ZNF493: variants seen among roughly 807,000 people sequenced by gnomAD.
The protein encoded by ZNF493 is zinc finger protein 493.
A neutral mutation model predicts 12.2 loss-of-function variants in ZNF493; 11 were observed. The observed-to-expected ratio is 0.90, with a 90% CI of 0.57 to 1.50. The LOEUF is 1.50. Ranked by LOEUF, ZNF493 falls within the 40% of genes most tolerant of loss-of-function variation. The pLI, the probability that ZNF493 is intolerant of heterozygous loss-of-function variation, is 0.00. For synonymous variants in ZNF493, 286 were observed against 302.6 expected, an observed-to-expected ratio of 0.95 and a Z score of 0.57; for missense variants, 950 against 906.6, an observed-to-expected ratio of 1.05 and a Z score of -0.61.
intron 3 of ZNF493, among the ~76,000 whole-genome samples, chr19:21,406,972 A>G (rs1381965539): frequency 2.0e-5 from 3 of 151,780 alleles, no homozygotes; most frequent in Non-Finnish European, 4.4e-5. Context: ...CCTTTTATTG[A>G]TTTATATCTT....
chr19:21,424,458 C>T lies in ZNF493; in HGVS notation c.1799C>T (p.Pro600Leu). The change falls in exon 4 of 4, where the codon CCC becomes CTC. Residue 600 changes from proline to leucine, a missense_variant. Physicochemically the swap from Pro to Leu is moderately conservative, Grantham distance 98. Coordinates refer to ENST00000392288, the MANE Select transcript of ZNF493 (RefSeq NM_001076678.3). Reference sequence around the variant, plus strand: ...AAGATAATTCATACTGATAAGAAACCCTACAAATGTGAAGAATGTGGCAAA... The same window carrying T: ...AAGATAATTCATACTGATAAGAAACTCTACAAATGTGAAGAATGTGGCAAA... ...KHKIIHTDKK[P>L]YKCEECGKAF... 1 of 1,613,236 alleles carries T rather than the reference C, an allele frequency of 6.2e-7. No homozygotes were observed. Among genetic ancestry groups the T allele is most frequent in the Non-Finnish European group, 8.5e-7 (1 of 1,179,698 alleles).
chr19:21,404,039 G>A (rs1287389806), intron 1 of ZNF493, among the ~76,000 whole-genome samples: 1 of 152,162 alleles, frequency 6.6e-6, no homozygotes, highest in Non-Finnish European at 1.5e-5. Context: ...ATGTAATGTT[G>A]TGGTTTCATC....
Position 21,402,202 on chromosome 19 carries a change from T to C in ZNF493, c.31-2927T>C, listed in dbSNP as rs535850503. Reference sequence around the variant, plus strand: ...CAGGCTGGTCTCGATCTCCTGACCTTGTGATCCACCTGCCTTGGCCTCCCA... The same window carrying C: ...CAGGCTGGTCTCGATCTCCTGACCTCGTGATCCACCTGCCTTGGCCTCCCA... On this transcript the variant is annotated intron_variant, in intron 1 of 3. Coordinates refer to ENST00000392288, the MANE Select transcript of ZNF493 (RefSeq NM_001076678.3). Among the ~76,000 whole-genome samples the C allele has an allele frequency of 8.4e-3, 1,270 of 151,106 alleles. 14 individuals are homozygous for C. Among genetic ancestry groups the C allele is most frequent in the African/African-American group, 0.028 (1,153 of 41,194 alleles).
chr19:21,408,149 A>T lies in ZNF493; in HGVS notation c.253+2293A>T, dbSNP rs530498081. On this transcript the variant is annotated intron_variant, in intron 3 of 3. Transcript: ENST00000392288. ...TTTTTTTTTTTTTTTTTTTTGAGAC[A>T]GGAGTCTCGCTCTGTCGCCTGGCTG... 2.0e-3 allele frequency: 1,859 copies of T among 930,620 alleles called. 4 individuals are homozygous for T. Among genetic ancestry groups the T allele is most frequent in the Middle Eastern group, 6.4e-3 (11 of 1,708 alleles). 57.6% of individuals were successfully genotyped at this position (930,620 alleles called of 1,614,324 possible).
At chr19:21,404,531 T>C (rs2030050966) in intron 1 of ZNF493, among the ~76,000 whole-genome samples, 2 of 152,264 alleles carry the variant, frequency 1.3e-5, no homozygotes, top group African/African-American at 4.8e-5. Context: ...TAGGTTTTCC[T>C]TGCATTTATC....
rs2030780306 is a variant in ZNF493 at position 21,424,210 on chromosome 19, C to T, written c.1551C>T (p.Tyr517=). The T allele has an allele frequency of 6.2e-7, 1 of 1,612,584 alleles. No homozygotes were observed. Among genetic ancestry groups the T allele is most frequent in the East Asian group, 2.2e-5 (1 of 44,808 alleles). The change falls in exon 4 of 4, where the codon TAC becomes TAT. Residue 517 remains tyrosine (Y), a synonymous_variant. Coordinates refer to ENST00000392288, the MANE Select transcript of ZNF493 (RefSeq NM_001076678.3). ...TAATTCATACTGGAGAAAAACCCTACAAATGTGAAGAATGTGGCAAAGCTT... is the reference window on the plus strand; with the variant it reads ...TAATTCATACTGGAGAAAAACCCTATAAATGTGAAGAATGTGGCAAAGCTT... The part of the protein sequence containing the change: ...HKIIHTGEKP[Y]KCEECGKAFK...
rs548962170 is a variant in ZNF493 at position 21,413,031 on chromosome 19, G to A, written c.253+7175G>A. On this transcript the variant is annotated intron_variant, in intron 3 of 3. Transcript: ENST00000392288. ...ATTTTGTTCAGATCAGCTGAACACA[G>A]TGTGGCTGTGGCACACAGACTGAGA... 8.3e-4 allele frequency: 271 copies of A among 326,100 alleles called. 1 individual carries two copies. Among genetic ancestry groups the A allele is most frequent in the Non-Finnish European group, 1.1e-3 (186 of 170,556 alleles). The allele number at this position is 326,100 out of a possible 1,614,324, so 20.2% of individuals were successfully genotyped here. A position where few individuals can be genotyped will look rare whatever the true frequency, so the allele number is the denominator to read the frequency against.
chr19:21,411,250 A>T (rs1415782785), intron 3 of ZNF493, among the ~76,000 whole-genome samples: 4 of 152,190 alleles, frequency 2.6e-5, no homozygotes, highest in African/African-American at 9.7e-5. Context: ...ATGTAATCAT[A>T]TACAGAAGGC....
At chr19:21,399,585 A>AAAAATATTTAC (rs568945351) in intron 1 of ZNF493, among the ~76,000 whole-genome samples, 376 of 152,338 alleles carry the variant, frequency 2.5e-3, no homozygotes, top group African/African-American at 8.8e-3. Context: ...GAAAAGGTAG[A>AAAAATATTTAC]AAAATATTTA....
Position 21,424,613 on chromosome 19 carries a change from A to C in ZNF493, c.1954A>C (p.Ser652Arg), listed in dbSNP as rs2030799426. ...SHLAGHKQIH[S>R]VQKPYKCEEC... Reference sequence around the variant, plus strand: ...CCTCGCTGGGCACAAGCAAATTCATAGTGTACAAAAACCCTACAAATGTGA... The same window carrying C: ...CCTCGCTGGGCACAAGCAAATTCATCGTGTACAAAAACCCTACAAATGTGA... Residue 652 changes from serine to arginine, a missense_variant, in exon 4 of 4, where the codon AGT becomes CGT. Transcript: ENST00000392288. 6.2e-7 allele frequency: 1 copy of C among 1,611,938 alleles called. No individual in the cohort carries two copies. The highest frequency in any genetic ancestry group is 8.5e-7 in the Non-Finnish European group (1 of 1,178,376).
Position 21,424,998 on chromosome 19 carries a change from G to C in ZNF493, c.*14G>C. 6.3e-7 allele frequency: 1 copy of C among 1,577,936 alleles called. No homozygotes were observed. The highest frequency in any genetic ancestry group is 8.6e-7 in the Non-Finnish European group (1 of 1,165,310). On this transcript the variant is annotated 3_prime_UTR_variant, in exon 4 of 4. Transcript: ENST00000392288. Reference sequence around the variant, plus strand: ...GTACAAAAGTGAAGAATGTGGCAAAGGCCTTTACTGCTCCTATTCCCTTAC... The same window carrying C: ...GTACAAAAGTGAAGAATGTGGCAAACGCCTTTACTGCTCCTATTCCCTTAC...
Position 21,424,063 on chromosome 19 carries a change from A to G in ZNF493, c.1404A>G (p.Lys468=). The G allele has an allele frequency of 6.2e-7, 1 of 1,612,570 alleles. No homozygotes were observed. Among genetic ancestry groups the G allele is most frequent in the Non-Finnish European group, 8.5e-7 (1 of 1,179,182 alleles). The change falls in exon 4 of 4, where the codon AAA becomes AAG. Residue 468 remains lysine (K), a synonymous_variant. Coordinates refer to ENST00000392288, the MANE Select transcript of ZNF493 (RefSeq NM_001076678.3). ...EKPYKCEECG[K]AFKRSSTLTK... ...CCTACAAATGTGAAGAATGTGGCAA[A>G]GCTTTTAAACGATCTTCAACCCTTA...
Position 21,423,926 on chromosome 19 carries a change from CAT to C in ZNF493, c.1269_1270del (p.His423GlnfsTer13), listed in dbSNP as rs2030766453. The C allele has an allele frequency of 6.2e-7, 1 of 1,613,232 alleles. No homozygotes were observed. Among genetic ancestry groups the C allele is most frequent in the Admixed American group, 1.7e-5 (1 of 59,938 alleles). ...TAAGGAGTCTTCACACCTTACTACA[CAT>C]AAAAGAATTCATACTGGAGAGAAAC... is the stretch of plus-strand genomic sequence containing the variant. ...AYKESSHLTT[H>X]KRIHTGEKPY... On this transcript the variant is annotated frameshift_variant, in exon 4 of 4. Coordinates refer to ENST00000392288, the MANE Select transcript of ZNF493 (RefSeq NM_001076678.3). LOFTEE classifies it low-confidence loss of function (END_TRUNC).
intron 3 of ZNF493, chr19:21,413,511 G>C (rs978838389): frequency 5.0e-6 from 2 of 403,116 alleles, no homozygotes; most frequent in African/African-American, 2.1e-5. Flanking sequence ...GTCCCAAGGT[G>C]GGTGGCTGTG....
chr19:21,422,805 C>T (rs1395809533), intron 3 of ZNF493, 108 bp from the exon 4 acceptor site: 10 of 948,160 alleles, frequency 1.1e-5, no homozygotes, highest in Admixed American at 3.2e-5. Context: ...TGGTATTTTG[C>T]TATGCTATCT....
chr19:21,411,891 T>C (rs2030338498), intron 3 of ZNF493: 2 of 152,052 alleles, frequency 1.3e-5, no homozygotes, highest in African/African-American at 2.4e-5. Context: ...AATCTCACAT[T>C]GCATTAAATC....
intron 3 of ZNF493, among the ~76,000 whole-genome samples, chr19:21,422,644 C>T (rs890867655): frequency 1.3e-5 from 2 of 151,712 alleles, no homozygotes; most frequent in Admixed American, 6.6e-5. Context: ...CAGGAATAGC[C>T]ATGTTGGGTA....
At chr19:21,408,057 A>G (rs2030192555) in intron 3 of ZNF493, 6 of 982,952 alleles carry the variant, frequency 6.1e-6, no homozygotes, top group Non-Finnish European at 7.2e-6. Context: ...CTGGTTCTAC[A>G]TTAGGGTCCA....
intron 1 of ZNF493, among the ~76,000 whole-genome samples, chr19:21,401,701 C>T (rs1248246418): frequency 6.6e-6 from 1 of 151,734 alleles, no homozygotes; most frequent in Non-Finnish European, 1.5e-5. Context: ...TCTCAGCTCA[C>T]TGCAACCTCC....
Sources: allele counts gnomAD v4.1 joint callset (sites outside exome capture counted in the v4.1 genomes callset), GRCh38; gene constraint gnomAD v4.1.1; transcripts MANE v1.5; gene names NCBI Gene and HGNC (gene_info 2026-07-23, HGNC 2026-07-21).